SLC25A10: variants seen among roughly 807,000 people sequenced by gnomAD.
SLC25A10 encodes the protein mitochondrial dicarboxylate carrier.
Under a neutral mutation model 40.4 loss-of-function variants are expected in SLC25A10, and 32 were observed. That is an observed-to-expected ratio of 0.79 (90% CI 0.60 to 1.06). The LOEUF (loss-of-function observed/expected upper bound fraction) is 1.06, where lower values mean the gene tolerates loss of function less well. SLC25A10 is among the 50% of genes least tolerant of loss of function. SLC25A10 has a pLI of 0.00. For missense variants in SLC25A10, 394 were observed against 402.6 expected, an observed-to-expected ratio of 0.98 and a Z score of 0.18; for synonymous variants, 181 against 171.1, an observed-to-expected ratio of 1.06 and a Z score of -0.45.
chr17:81,712,578 C>T, intron 1 of SLC25A10, 59 bp downstream of exon 1: 1 of 1,134,230 alleles, frequency 8.8e-7, no homozygotes, highest in Non-Finnish European at 1.1e-6. Flanking sequence ...GAGACGCCTG[C>T]AAAGGCAGCA....
chr17:81,714,261 C>G (rs1354694071), intron 1 of SLC25A10, among the ~76,000 whole-genome samples: 1 of 152,228 alleles, frequency 6.6e-6, no homozygotes, highest in Non-Finnish European at 1.5e-5. Context: ...CTGTCTGGCC[C>G]TGGCCAATCC....
chr17:81,716,758 G>A, intron 5 of SLC25A10, 54 bp from the exon 6 acceptor site: 1 of 1,568,380 alleles, frequency 6.4e-7, no homozygotes, highest in South Asian at 1.2e-5. Context: ...AGGACCCTCT[G>A]TGGGAGCCGG....
rs2037397966 is a variant in SLC25A10 at position 81,712,378 on chromosome 17, A to AGGGCCGGGGTC, written c.-45_-35dup. 1 of 1,145,820 alleles carries AGGGCCGGGGTC rather than the reference A, an allele frequency of 8.7e-7. No individual in the cohort carries two copies. The highest frequency in any genetic ancestry group is 3.7e-5 in the South Asian group (1 of 27,372). The allele number at this position is 1,145,820 out of a possible 1,614,324, so 71.0% of individuals were successfully genotyped here. A position where few individuals can be genotyped will look rare whatever the true frequency, so the allele number is the denominator to read the frequency against. ...CGCTGCGGCCGGTACACGCCGGGGT[A>AGGGCCGGGGTC]GGGCCGGGGTCGGGTTGTGGTCGGG... On this transcript the variant is annotated 5_prime_UTR_variant, in exon 1 of 11. Transcript: ENST00000350690.
chr17:81,720,300 G>A lies in SLC25A10; in HGVS notation c.*223G>A, dbSNP rs1285737382. The A allele has an allele frequency of 7.0e-6, 10 of 1,435,192 alleles. No individual in the cohort carries two copies. Among genetic ancestry groups the A allele is most frequent in the Admixed American group, 2.9e-5 (1 of 34,646 alleles). The allele number at this position is 1,435,192 out of a possible 1,614,324, so 88.9% of individuals were successfully genotyped here. A position where few individuals can be genotyped will look rare whatever the true frequency, so the allele number is the denominator to read the frequency against. On this transcript the variant is annotated 3_prime_UTR_variant, in exon 11 of 11. Coordinates refer to ENST00000350690, the MANE Select transcript of SLC25A10 (RefSeq NM_012140.5). ...CCCGCTCTGGCTACCAGGCTCTCCC[G>A]GCTGGGCACTGCGTGGCCTTGCCCC...
chr17:81,716,244 T>C (rs2037483817), intron 5 of SLC25A10, among the ~76,000 whole-genome samples, 194 bp downstream of exon 5: 1 of 152,180 alleles, frequency 6.6e-6, no homozygotes, highest in African/African-American at 2.4e-5. Flanking sequence ...GGGTTCTTCC[T>C]GTGGGGAGAG....
intron 5 of SLC25A10, 144 bp from the exon 6 acceptor site, chr17:81,716,668 T>C (rs62077217): frequency 0.23 from 182,521 of 796,694 alleles, 22,456 homozygotes; most frequent in African/African-American, 0.42. Flanking sequence ...CAGGACCAGC[T>C]TCATGTTCCC....
rs1391826941 is a variant in SLC25A10, at chr17:81,719,779, G to C, written c.706-52G>C. On this transcript the variant is annotated intron_variant, in intron 9 of 10. Transcript: ENST00000350690. Reference sequence around the variant, plus strand: ...TGGTGCCTGGGAGGGGATTTTCGTTGCCTTTTGGGTGAGAAGCAGCCTTTT... The same window carrying C: ...TGGTGCCTGGGAGGGGATTTTCGTTCCCTTTTGGGTGAGAAGCAGCCTTTT... The C allele has an allele frequency of 6.8e-6, 11 of 1,606,754 alleles. No homozygotes were observed. The South Asian group carries it at 1.1e-4, about 16-fold the overall frequency.
intron 5 of SLC25A10, 115 bp downstream of exon 5, chr17:81,716,165 C>T (rs961669237): frequency 2.5e-6 from 3 of 1,178,928 alleles, no homozygotes; most frequent in African/African-American, 1.6e-5. Context: ...GAGGTGCCTG[C>T]ACGGTCCATG....
At chr17:81,718,668 G>A (rs941808639) in intron 9 of SLC25A10, among the ~76,000 whole-genome samples, 9 of 147,402 alleles carry the variant, frequency 6.1e-5, no homozygotes, top group African/African-American at 1.3e-4. Context: ...ATTTCTTTTC[G>A]GCCAGGCACG....
chr17:81,713,798 G>T (rs1024607239), intron 1 of SLC25A10, among the ~76,000 whole-genome samples: 1 of 152,190 alleles, frequency 6.6e-6, no homozygotes, highest in Non-Finnish European at 1.5e-5. Flanking sequence ...ACTGCCCCTT[G>T]GCCCTCCCCA....
At position 81,713,688 on chromosome 17, in the gene SLC25A10, C is replaced by T. The variant is rs566303599; in HGVS notation, c.93+1169C>T. On this transcript the variant is annotated intron_variant, in intron 1 of 10. Coordinates refer to ENST00000350690, the MANE Select transcript of SLC25A10 (RefSeq NM_012140.5). ...ATCGGGCTCTTCCTTTCCTCCTGGGCGCCGCACAGGTGCCCCTCCCCCAGG... is the reference window on the plus strand; with the variant it reads ...ATCGGGCTCTTCCTTTCCTCCTGGGTGCCGCACAGGTGCCCCTCCCCCAGG... Among the ~76,000 whole-genome samples, 5 of 152,340 alleles carry T rather than the reference C, an allele frequency of 3.3e-5. No homozygotes were observed. The East Asian group carries it at 5.8e-4, about 18-fold the overall frequency.
At position 81,714,948 on chromosome 17, in the gene SLC25A10, C is replaced by T. The variant is rs780666398; in HGVS notation, c.94-5C>T. 1.1e-5 allele frequency: 18 copies of T among 1,606,948 alleles called. No homozygotes were observed. Among genetic ancestry groups the T allele is most frequent in the South Asian group, 3.3e-5 (3 of 90,968 alleles). ...TGTGGGGTCTGAGAGCACTCACTCC[C>T]GCAGGTGCATCTGCAGACGCAGCAG... is the stretch of plus-strand genomic sequence containing the variant. On this transcript the variant is annotated splice_polypyrimidine_tract_variant and splice_region_variant and intron_variant, in intron 1 of 10. Transcript: ENST00000350690.
Position 81,717,563 on chromosome 17 carries a change from C to G in SLC25A10, c.627+72C>G, listed in dbSNP as rs568691209. On this transcript the variant is annotated intron_variant, in intron 8 of 10. Coordinates refer to ENST00000350690, the MANE Select transcript of SLC25A10 (RefSeq NM_012140.5). ...GGCGCTGAGGGCACCCAGGATGGGG[C>G]GAGGGCTGGGGGAGGCGGGGGCCTT... is the stretch of plus-strand genomic sequence containing the variant. The G allele has an allele frequency of 4.8e-4, 742 of 1,548,692 alleles. 2 individuals are homozygous for G. Among genetic ancestry groups the G allele is most frequent in the South Asian group, 8.6e-4 (77 of 89,424 alleles).
chr17:81,716,557 G>A (rs904401051), intron 5 of SLC25A10: 1 of 581,968 alleles, frequency 1.7e-6, no homozygotes, highest in Non-Finnish European at 3.1e-6. Context: ...CGGGCAGGAG[G>A]CCTGCATGCT....
intron 9 of SLC25A10, among the ~76,000 whole-genome samples, chr17:81,718,949 A>AAAAAAAC (rs1379372118): frequency 6.6e-6 from 1 of 151,794 alleles, no homozygotes; most frequent in Admixed American, 6.6e-5. Flanking sequence ...ACTCTGTCTT[A>AAAAAAAC]AAAAAACAAA....
At position 81,712,527 on chromosome 17, in the gene SLC25A10, CG is replaced by C; in HGVS notation, c.93+12del. On this transcript the variant is annotated intron_variant, in intron 1 of 10. Coordinates refer to ENST00000350690, the MANE Select transcript of SLC25A10 (RefSeq NM_012140.5). ...CCGCTGGACCTGCTCAAGGTGAGGCCGGGGCCCGGGACGCGGGGCGGATGGG... is the reference window on the plus strand; with the variant it reads ...CCGCTGGACCTGCTCAAGGTGAGGCCGGGCCCGGGACGCGGGGCGGATGGG... The C allele has an allele frequency of 2.4e-6, 3 of 1,240,768 alleles. No individual in the cohort carries two copies. Among genetic ancestry groups the C allele is most frequent in the South Asian group, 3.2e-5 (1 of 31,020 alleles). The allele number at this position is 1,240,768 out of a possible 1,614,324, so 76.9% of individuals were successfully genotyped here.
At position 81,717,797 on chromosome 17, in the gene SLC25A10, C is replaced by T. The variant is rs369593158; in HGVS notation, c.641C>T (p.Thr214Met). 105 of 1,611,780 alleles carry T rather than the reference C, an allele frequency of 6.5e-5. No homozygotes were observed. The highest frequency in any genetic ancestry group is 8.2e-5 in the Non-Finnish European group (97 of 1,179,698). Residue 214 changes from threonine (T) to methionine (M), a missense_variant, in exon 9 of 11, where the codon ACG (threonine) becomes ATG (methionine). Thr to Met is a moderately conservative substitution (Grantham distance 81). Transcript: ENST00000350690. Reference sequence around the variant, plus strand: ...CCCCCTCCTCAGGGTGGATGTGCCACGTTCCTGTGCCAGCCCCTGGATGTG... The same window carrying T: ...CCCCCTCCTCAGGGTGGATGTGCCATGTTCCTGTGCCAGCCCCTGGATGTG... ...VASFIAGGCA[T>M]FLCQPLDVLK... is the part of the protein sequence containing the mutation.
intron 1 of SLC25A10, among the ~76,000 whole-genome samples, chr17:81,714,743 G>A (rs1305756532): frequency 6.6e-6 from 1 of 152,232 alleles, no homozygotes; most frequent in East Asian, 1.9e-4. Context: ...CGCTCGCGGG[G>A]CTCGCGGACA....
chr17:81,713,337 C>T (rs966072473), intron 1 of SLC25A10: 6 of 445,786 alleles, frequency 1.3e-5, no homozygotes, highest in Admixed American at 6.4e-5. Flanking sequence ...AGGCTTTGCA[C>T]AGTCTGCCCA....
Sources: allele counts gnomAD v4.1 joint callset (sites outside exome capture counted in the v4.1 genomes callset), GRCh38; gene constraint gnomAD v4.1.1; transcripts MANE v1.5; gene names NCBI Gene and HGNC (gene_info 2026-07-23, HGNC 2026-07-21).